The following BFSP1 variants were observed in gnomAD, a reference collection of about 807,000 sequenced individuals.
The protein encoded by BFSP1 is filensin.
In BFSP1, 38 loss-of-function variants were observed where a neutral mutation model predicts 43.9. That is an observed-to-expected ratio of 0.87 (90% CI 0.67 to 1.14). The LOEUF (loss-of-function observed/expected upper bound fraction) is 1.14, where lower values mean the gene tolerates loss of function less well. BFSP1 is among the 50% of genes most tolerant of loss of function. The pLI, the probability that BFSP1 is intolerant of heterozygous loss-of-function variation, is 0.00. For synonymous variants in BFSP1, 352 were observed against 354.8 expected (o/e 0.99, Z 0.09); for missense variants, 850 against 875.1 (o/e 0.97, Z 0.36).
In BFSP1 at chr20:17,498,921, C is replaced by T; in HGVS notation, c.855G>A (p.Leu285=). 6.2e-7 allele frequency: 1 copy of T among 1,614,170 alleles called. No individual in the cohort carries two copies. The highest frequency in any genetic ancestry group is 8.5e-7 in the Non-Finnish European group (1 of 1,180,028). The change falls in exon 6 of 8, where the codon CTG becomes CTA. Residue 285 remains leucine (L), a synonymous_variant. Transcript: ENST00000377873. The part of the protein sequence containing the change: ...RKEIEETERV[L]EKSSYDCRQL... ...GCCGGCAGTCGTAAGAAGACTTCTC[C>T]AGGACCCGCTCTGTCTCCTCAATCT...
At chr20:17,551,552 CT>C (rs1354835582) in intron 1 of BFSP1, among the ~76,000 whole-genome samples, 1 of 152,208 alleles carries the variant, frequency 6.6e-6, no homozygotes, top group Non-Finnish European at 1.5e-5. Context: ...GGCTGCTACC[CT>C]TAGGTATCAC....
At chr20:17,518,008 C>T (rs146949080) in intron 2 of BFSP1, among the ~76,000 whole-genome samples, 14 of 152,264 alleles carry the variant, frequency 9.2e-5, no homozygotes, top group Non-Finnish European at 2.1e-4. Flanking sequence ...TTCCTCACCC[C>T]GGCCCCTGGA....
chr20:17,508,901 C>A lies in BFSP1; in HGVS notation c.723G>T (p.Glu241Asp). 1.3e-6 allele frequency: 2 copies of A among 1,599,272 alleles called. No individual in the cohort carries two copies. Among genetic ancestry groups the A allele is most frequent in the East Asian group, 2.3e-5 (1 of 44,054 alleles). Reference sequence around the variant, plus strand: ...GACTCGAGCGTACCTGTGCCTGCAGCTCCACTCTCTGCGCCTGCAGGTGGG... The same window carrying A: ...GACTCGAGCGTACCTGTGCCTGCAGATCCACTCTCTGCGCCTGCAGGTGGG... ...VLSHLQAQRV[E>D]LQAQTTTLEQ... The change falls in exon 5 of 8, where the codon GAG becomes GAT. Residue 241 changes from glutamate to aspartate, a missense_variant. Coordinates refer to ENST00000377873, the MANE Select transcript of BFSP1 (RefSeq NM_001195.5).
chr20:17,506,510 T>C (rs964018088), intron 5 of BFSP1, among the ~76,000 whole-genome samples: 9 of 152,104 alleles, frequency 5.9e-5, no homozygotes, highest in African/African-American at 2.2e-4. Flanking sequence ...ATAACTGTTT[T>C]AATATAATTA....
At chr20:17,549,243 T>A (rs2034856383) in intron 1 of BFSP1, among the ~76,000 whole-genome samples, 1 of 152,218 alleles carries the variant, frequency 6.6e-6, no homozygotes, top group Non-Finnish European at 1.5e-5. Flanking sequence ...TTACTGGGGT[T>A]CCTGGTTGTA....
rs1415800570 is a variant in BFSP1, at chr20:17,507,731, C to G, written c.735+1158G>C. Among the ~76,000 whole-genome samples the G allele has an allele frequency of 6.6e-6, 1 of 152,128 alleles. No individual in the cohort carries two copies. On this transcript the variant is annotated intron_variant, in intron 5 of 7. Coordinates refer to ENST00000377873, the MANE Select transcript of BFSP1 (RefSeq NM_001195.5). This position sits in a 1 kb window ranked among gnomAD's most constrained non-coding sequence, Gnocchi z 4.4. ...AAGAAACCACACAGGCCCCAGTCAC[C>G]AGGATGAGGCACATGGTCCCTGAGC...
intron 2 of BFSP1, among the ~76,000 whole-genome samples, chr20:17,521,760 G>A (rs1207192927): frequency 6.6e-6 from 1 of 152,204 alleles, no homozygotes; most frequent in Admixed American, 6.5e-5. Context: ...AGGAAGCACA[G>A]GTAAGGGAGG....
intron 1 of BFSP1, among the ~76,000 whole-genome samples, chr20:17,541,455 A>G (rs2034716925): frequency 6.6e-6 from 1 of 152,222 alleles, no homozygotes; most frequent in African/African-American, 2.4e-5. Flanking sequence ...GCTGTCTGCT[A>G]TGATGGCTAG....
chr20:17,563,173 T>C (rs1213464358), upstream of BFSP1: 1 of 152,252 alleles, frequency 6.6e-6, no homozygotes, highest in African/African-American at 2.4e-5. Context: ...TTTCTCCTTC[T>C]TCCTTAGTAA....
At position 17,545,836 on chromosome 20, in the gene BFSP1, C is replaced by T. The variant is rs139324646; in HGVS notation, c.2+12852G>A. Among the ~76,000 whole-genome samples, 1,188 of 152,324 alleles carry T rather than the reference C, an allele frequency of 7.8e-3. 8 individuals carry two copies. The highest frequency in any genetic ancestry group is 0.017 in the South Asian group (82 of 4,830). On this transcript the variant is annotated intron_variant, in intron 1 of 7. Coordinates refer to the BFSP1 transcript ENST00000377868. ...AGAATAATACATTTTGTCATGCTGT[C>T]GGCCCACCTGCACATTGGCACAGCT...
chr20:17,495,985 G>A (rs565900562), intron 7 of BFSP1, among the ~76,000 whole-genome samples: 88 of 152,306 alleles, frequency 5.8e-4, no homozygotes, highest in Admixed American at 1.8e-3. Flanking sequence ...CAGGGCACAG[G>A]AAAACTGCTG....
upstream of BFSP1, among the ~76,000 whole-genome samples, chr20:17,559,756 A>G (rs1178535926): frequency 6.6e-6 from 1 of 152,118 alleles, no homozygotes; most frequent in African/African-American, 2.4e-5. Flanking sequence ...TGAGAATCTA[A>G]CTAATGCCAG....
In BFSP1 at chr20:17,524,800, T is replaced by G. The variant is rs140509842; in HGVS notation, c.438+48A>C. The G allele has an allele frequency of 1.1e-3, 1,797 of 1,584,374 alleles. 52 individuals carry two copies. The Admixed American group carries it at 0.029, about 25-fold the overall frequency. Reference sequence around the variant, plus strand: ...AAAACCTGCACTTCCACCATTCCATTCAACACTGTAATTAAGCTACGTAAA... The same window carrying G: ...AAAACCTGCACTTCCACCATTCCATGCAACACTGTAATTAAGCTACGTAAA... On this transcript the variant is annotated intron_variant, in intron 2 of 7. Coordinates refer to ENST00000377873, the MANE Select transcript of BFSP1 (RefSeq NM_001195.5).
rs1367892214 is a variant in BFSP1, at chr20:17,512,052, T to G, written c.551A>C (p.Gln184Pro). The change falls in exon 4 of 8, where the codon CAG becomes CCG. Residue 184 changes from glutamine (Q) to proline (P), a missense_variant. Gln to Pro is a moderately conservative substitution (Grantham distance 76). Coordinates refer to ENST00000377873, the MANE Select transcript of BFSP1 (RefSeq NM_001195.5). ...DRHKKNLLEV[Q>P]TYISILQQII... Reference sequence around the variant, plus strand: ...CTGCTGCAGGATGCTGATATAGGTCTGAACTTCCAGAAGATTCTGTTGGGG... The same window carrying G: ...CTGCTGCAGGATGCTGATATAGGTCGGAACTTCCAGAAGATTCTGTTGGGG... 1 of 1,608,606 alleles carries G rather than the reference T, an allele frequency of 6.2e-7. No homozygotes were observed. Among genetic ancestry groups the G allele is most frequent in the Non-Finnish European group, 8.5e-7 (1 of 1,174,962 alleles).
chr20:17,502,271 GCC>G (rs2033822521), intron 5 of BFSP1, among the ~76,000 whole-genome samples: 2 of 152,160 alleles, frequency 1.3e-5, no homozygotes, highest in Non-Finnish European at 2.9e-5. Flanking sequence ...TGAGGACACA[GCC>G]ACATAACGAA....
chr20:17,520,208 G>A (rs965456655), intron 2 of BFSP1, among the ~76,000 whole-genome samples: 5 of 138,754 alleles, frequency 3.6e-5, no homozygotes, highest in Non-Finnish European at 7.9e-5. Context: ...GGGTTTTAAC[G>A]TGCCCCCCCA....
intron 1 of BFSP1, among the ~76,000 whole-genome samples, chr20:17,553,884 T>TAC (rs1169131224): frequency 2.3e-5 from 3 of 129,126 alleles, no homozygotes; most frequent in Admixed American, 1.5e-4. Context: ...TATATATATA[T>TAC]ACACACATAT....
chr20:17,520,888 C>A lies in BFSP1; in HGVS notation c.438+3960G>T, dbSNP rs531709381. 3.9e-5 allele frequency among the ~76,000 whole-genome samples: 6 copies of A among 152,108 alleles called. No homozygotes were observed. The South Asian group carries it at 8.3e-4, about 21-fold the overall frequency. ...GGCCTCTTGCTGCTTTCCACAGGCA[C>A]GTTTAAGAGACACATGAATTACATG... On this transcript the variant is annotated intron_variant, in intron 2 of 7. Coordinates refer to ENST00000377873, the MANE Select transcript of BFSP1 (RefSeq NM_001195.5).
intron 1 of BFSP1, among the ~76,000 whole-genome samples, chr20:17,551,188 C>T (rs989424305): frequency 2.6e-5 from 4 of 152,168 alleles, no homozygotes; most frequent in Admixed American, 6.5e-5. Flanking sequence ...AGTTGGCTCA[C>T]GGTTCTGCAG....
Sources: gnomAD v4.1 joint callset for allele counts (sites outside exome capture counted in the v4.1 genomes callset) on GRCh38, gnomAD v4.1.1 for gene constraint, Gnocchi (gnomAD v3.1) non-coding constraint, MANE v1.5 for transcripts, NCBI Gene and HGNC (gene_info 2026-07-23, HGNC 2026-07-21) for gene names.